PARN: variants seen among roughly 807,000 people sequenced by gnomAD.
PARN encodes the protein poly(A)-specific ribonuclease.
Under a neutral mutation model 102.8 loss-of-function variants are expected in PARN, and 71 were observed. That is an observed-to-expected ratio of 0.69 (90% CI 0.57 to 0.84). The LOEUF is 0.84. Among genes scored for constraint, PARN ranks in the 40% least tolerant of loss-of-function variants. The probability of loss-of-function intolerance (pLI) is 0.00; values close to 1 mark genes in which losing one functional copy is unlikely to be tolerated. For synonymous variants in PARN, 261 were observed against 252.9 expected (o/e 1.03, Z -0.30); for missense variants, 782 against 760.9 (o/e 1.03, Z -0.33).
intron 22 of PARN, among the ~76,000 whole-genome samples, chr16:14,477,840 G>A (rs752537972): frequency 6.6e-6 from 1 of 151,512 alleles, no homozygotes; most frequent in East Asian, 1.9e-4. Flanking sequence ...GGAAGGGAAG[G>A]GAAGGGAAGA....
intron 22 of PARN, among the ~76,000 whole-genome samples, chr16:14,477,803 GGGGAAGGGAA>G (rs989612642): frequency 6.6e-6 from 1 of 151,780 alleles, no homozygotes; most frequent in African/African-American, 2.4e-5. Flanking sequence ...AAGGGAAAAG[GGGGAAGGGAA>G]GGGAAGAGAA....
chr16:14,610,836 T>G, intron 6 of PARN, 27 bp from the exon 7 acceptor site: 1 of 1,490,372 alleles, frequency 6.7e-7, no homozygotes, highest in East Asian at 2.3e-5. Context: ...AAAGAATGCA[T>G]TAGCAGAAGT....
chr16:14,600,097 T>C (rs1970787017), intron 11 of PARN, 137 bp from the exon 12 acceptor site: 2 of 504,020 alleles, frequency 4.0e-6, no homozygotes, highest in South Asian at 7.1e-5. Context: ...TTTGCGCCTA[T>C]CTTCCCAAAC....
chr16:14,451,869 CAAAAAAA>C (rs869041563), intron 22 of PARN, among the ~76,000 whole-genome samples: 208 of 52,480 alleles, frequency 4.0e-3, no homozygotes, highest in Non-Finnish European at 5.0e-3. Context: ...AAAAAAAATA[CAAAAAAA>C]AAAAAAAAAA....
At chr16:14,587,087 A>G (rs887049385) in intron 13 of PARN, among the ~76,000 whole-genome samples, 10 of 152,210 alleles carry the variant, frequency 6.6e-5, no homozygotes, top group African/African-American at 2.4e-4. Context: ...TTTGTAAACT[A>G]CACTTCTCTT....
chr16:14,629,707 G>A, intron 1 of PARN, 33 bp from the exon 2 acceptor site: 1 of 1,506,582 alleles, frequency 6.6e-7, no homozygotes, highest in Non-Finnish European at 9.2e-7. Flanking sequence ...CTCAGAACCA[G>A]TGGCCTGAAT....
intron 18 of PARN, among the ~76,000 whole-genome samples, chr16:14,568,889 A>G (rs1968603684): frequency 6.7e-6 from 1 of 149,086 alleles, no homozygotes; most frequent in African/African-American, 2.5e-5. Flanking sequence ...GCAAGACTCC[A>G]TCTCAAAAAA....
intron 6 of PARN, among the ~76,000 whole-genome samples, chr16:14,614,535 G>A (rs1029065288): frequency 1.3e-5 from 2 of 152,140 alleles, no homozygotes; most frequent in Non-Finnish European, 2.9e-5. Flanking sequence ...GTGACAGCCT[G>A]AAAATGGTGG....
chr16:14,489,437 C>CAAAAAAAAAAAAA, intron 21 of PARN, among the ~76,000 whole-genome samples: 1 of 59,472 alleles, frequency 1.7e-5, no homozygotes, highest in Non-Finnish European at 3.5e-5. Context: ...GAGAGAGACT[C>CAAAAAAAAAAAAA]AAAAAAAAAA....
chr16:14,589,732 G>A (rs1970058984), intron 13 of PARN, among the ~76,000 whole-genome samples: 2 of 151,834 alleles, frequency 1.3e-5, no homozygotes, highest in African/African-American at 4.8e-5. Context: ...CAGGCATGGT[G>A]GCAAGCGCCT....
At chr16:14,606,628 T>C (rs1249379521) in intron 9 of PARN, 102 bp from the exon 10 acceptor site, 8 of 594,016 alleles carry the variant, frequency 1.3e-5, no homozygotes, top group Non-Finnish European at 2.4e-5. Context: ...GTAAGTTTTA[T>C]TAACTACAAA....
chr16:14,460,743 TTA>T (rs1961918511), intron 22 of PARN, among the ~76,000 whole-genome samples: 1 of 152,176 alleles, frequency 6.6e-6, no homozygotes, highest in Non-Finnish European at 1.5e-5. Context: ...TGTATAAAAC[TTA>T]TGTCTATATA....
chr16:14,565,418 A>G (rs1164793351), intron 18 of PARN, among the ~76,000 whole-genome samples: 1 of 152,048 alleles, frequency 6.6e-6, no homozygotes, highest in Non-Finnish European at 1.5e-5. Flanking sequence ...GGCAAAAAAA[A>G]AAAAACAAAG....
chr16:14,562,756 G>A (rs910008124), intron 18 of PARN, among the ~76,000 whole-genome samples: 4 of 151,992 alleles, frequency 2.6e-5, no homozygotes, highest in Admixed American at 2.6e-4. Context: ...CACTAATGCA[G>A]CACTAAAGAT....
chr16:14,522,561 G>A (rs1473061514), intron 21 of PARN, among the ~76,000 whole-genome samples: 2 of 152,138 alleles, frequency 1.3e-5, no homozygotes, highest in Non-Finnish European at 2.9e-5. Flanking sequence ...TAAAGCCAGG[G>A]CTTAAGAGAA....
At chr16:14,628,399 A>T in intron 2 of PARN, 148 bp from the exon 3 acceptor site, 2 of 595,162 alleles carry the variant, frequency 3.4e-6, no homozygotes, top group Non-Finnish European at 5.9e-6. Context: ...AATAAGCATT[A>T]ATTTCAGTGG....
chr16:14,486,157 C>T (rs2151602612), intron 21 of PARN, among the ~76,000 whole-genome samples: 1 of 152,184 alleles, frequency 6.6e-6, no homozygotes, highest in Admixed American at 6.5e-5. Context: ...GGGTTCGAGA[C>T]CAGCCTGGAC....
At chr16:14,585,979 T>G (rs1969827275) in intron 14 of PARN, among the ~76,000 whole-genome samples, 1 of 148,822 alleles carries the variant, frequency 6.7e-6, no homozygotes, top group Admixed American at 6.7e-5. Context: ...TCACAATGAC[T>G]CTTTTTTTTT....
chr16:14,608,983 A>G, intron 8 of PARN, 75 bp downstream of exon 8: 1 of 753,666 alleles, frequency 1.3e-6, no homozygotes, highest in Non-Finnish European at 2.3e-6. Context: ...TTTTTAAAAG[A>G]CTAGATGCAT....
Sources: gnomAD v4.1 joint callset for allele counts (sites outside exome capture counted in the v4.1 genomes callset) on GRCh38, gnomAD v4.1.1 for gene constraint, MANE v1.5 for transcripts, NCBI Gene and HGNC (gene_info 2026-07-23, HGNC 2026-07-21) for gene names.